Variants in CATSPERG observed in about 807,000 individuals in gnomAD.
CATSPERG encodes cation channel sperm-associated auxiliary subunit gamma.
Under a neutral mutation model 145.0 loss-of-function variants are expected in CATSPERG, and 115 were observed. That is an observed-to-expected ratio of 0.79 (90% CI 0.68 to 0.93). The LOEUF (loss-of-function observed/expected upper bound fraction) is 0.93, where lower values mean the gene tolerates loss of function less well. CATSPERG is among the 40% of genes least tolerant of loss of function. The pLI, the probability that CATSPERG is intolerant of heterozygous loss-of-function variation, is 0.00. For missense variants in CATSPERG, 1,296 were observed against 1,490.1 expected (o/e 0.87, Z 2.14); for synonymous variants, 588 against 589.0 (o/e 1.00, Z 0.02).
Position 38,352,305 on chromosome 19 carries a change from T to C in CATSPERG, c.870T>C (p.His290=). The part of the protein sequence containing the change: ...SCWVGSFYCP[H]SGFTATIYDT... ...GGGTGGGCTCCTTCTACTGCCCCCA[T>C]TCTGGCTTCACAGCCACCATCTATG... Residue 290 remains histidine (H), a synonymous_variant, in exon 8 of 29, where the codon CAT becomes CAC. Coordinates refer to ENST00000409235, the MANE Select transcript of CATSPERG (RefSeq NM_021185.5). The C allele has an allele frequency of 6.4e-7, 1 of 1,551,692 alleles. No individual in the cohort carries two copies. The highest frequency in any genetic ancestry group is 8.7e-7 in the Non-Finnish European group (1 of 1,147,098).
chr19:38,370,286 C>G, intron 28 of CATSPERG, 28 bp downstream of exon 28: 1 of 1,603,506 alleles, frequency 6.2e-7, no homozygotes, highest in Non-Finnish European at 8.5e-7. Flanking sequence ...AGCTGCCCTA[C>G]TGGGTGGGCA....
intron 6 of CATSPERG, among the ~76,000 whole-genome samples, chr19:38,344,661 CCATACCTGTA>C (rs567317117): frequency 2.0e-3 from 295 of 150,256 alleles, no homozygotes; most frequent in South Asian, 9.1e-3. Flanking sequence ...ACCTGTACAT[CCATACCTGTA>C]CATACATATA....
Position 38,361,761 on chromosome 19 carries a change from C to G in CATSPERG, c.1994C>G (p.Pro665Arg), listed in dbSNP as rs1329102429. The G allele has an allele frequency of 1.2e-6, 2 of 1,613,058 alleles. No homozygotes were observed. The highest frequency in any genetic ancestry group is 2.7e-5 in the African/African-American group (2 of 75,022). Residue 665 changes from proline to arginine, a missense_variant, in exon 17 of 29, where the codon CCG (proline) becomes CGG (arginine). Pro to Arg is a moderately radical substitution (Grantham distance 103). Transcript: ENST00000409235. Reference protein sequence around the residue: ...TRQERYRARPPRVLERSGFHN... With the variant: ...TRQERYRARPRRVLERSGFHN... ...CAGGAGCGCTACCGGGCGCGGCCGC[C>G]GCGCGTCCTGGAGCGCTCGGGCTTC...
In CATSPERG at chr19:38,359,589, G is replaced by T; in HGVS notation, c.1608+8G>T. The T allele has an allele frequency of 1.2e-6, 2 of 1,608,154 alleles. No homozygotes were observed. Among genetic ancestry groups the T allele is most frequent in the South Asian group, 2.2e-5 (2 of 90,582 alleles). ...GTCACAGAGACGGAGGAGGTGGGCT[G>T]CCCCGCCCCTCTCCCCGTTCCCTCT... On this transcript the variant is annotated splice_region_variant and intron_variant, in intron 14 of 28. Transcript: ENST00000409235.
chr19:38,359,777 C>T (rs552851212), intron 14 of CATSPERG, 196 bp downstream of exon 14: 122 of 1,335,622 alleles, frequency 9.1e-5, no homozygotes, highest in South Asian at 4.9e-4. Flanking sequence ...TCACGCAGAC[C>T]GGAGCTATGA....
chr19:38,357,637 C>T (rs759816728), intron 11 of CATSPERG, among the ~76,000 whole-genome samples: 6 of 151,846 alleles, frequency 4.0e-5, no homozygotes, highest in Non-Finnish European at 7.4e-5. Flanking sequence ...GGCAATATAG[C>T]GAAACCTCAT....
chr19:38,360,668 G>T (rs1170556522), intron 15 of CATSPERG, 21 bp downstream of exon 15: 4 of 1,614,048 alleles, frequency 2.5e-6, no homozygotes, highest in Non-Finnish European at 3.4e-6. Context: ...GAGCTATGCG[G>T]GGACATCGGG....
At chr19:38,356,656 G>A (rs1475521400) in intron 10 of CATSPERG, 86 bp from the exon 11 acceptor site, 1 of 1,593,000 alleles carries the variant, frequency 6.3e-7, no homozygotes, top group Non-Finnish European at 8.6e-7. Context: ...CTTAGGGAGG[G>A]GTGAGTTATG....
Position 38,356,490 on chromosome 19 carries a change from A to C in CATSPERG, c.1142A>C (p.Gln381Pro), listed in dbSNP as rs746970093. The change falls in exon 10 of 29, where the codon CAG becomes CCG. Residue 381 changes from glutamine to proline, a missense_variant. Gln to Pro is a moderately conservative substitution (Grantham distance 76, BLOSUM62 -1). Transcript: ENST00000409235. ...YVHFGTIRDG[Q>P]VSFEMLPRQW... is the part of the protein sequence containing the mutation. ...ACCCGACCTTGCTCTGCAGATGGCCAGGTGTCCTTTGAGATGCTGCCCAGG... is the reference window on the plus strand; with the variant it reads ...ACCCGACCTTGCTCTGCAGATGGCCCGGTGTCCTTTGAGATGCTGCCCAGG... 1.9e-6 allele frequency: 3 copies of C among 1,614,000 alleles called. No homozygotes were observed. The East Asian group carries it at 6.7e-5, about 36-fold the overall frequency.
intron 6 of CATSPERG, among the ~76,000 whole-genome samples, chr19:38,344,882 C>T (rs375583869): frequency 0.017 from 918 of 53,254 alleles, 39 homozygotes; most frequent in East Asian, 0.12. Context: ...CACACACACA[C>T]ATATATATAT....
At chr19:38,365,248 CCACCCACCCA>C (rs1193376819) in intron 22 of CATSPERG, 131 bp downstream of exon 22, 8 of 753,924 alleles carry the variant, frequency 1.1e-5, no homozygotes, top group Non-Finnish European at 1.3e-5. Context: ...CAACATTCAT[CCACCCACCCA>C]CTACCACCCA....
chr19:38,337,509 G>C lies in CATSPERG; in HGVS notation c.270+5G>C. 6.4e-7 allele frequency: 1 copy of C among 1,552,044 alleles called. No individual in the cohort carries two copies. The highest frequency in any genetic ancestry group is 8.7e-7 in the Non-Finnish European group (1 of 1,147,068). Reference sequence around the variant, plus strand: ...TCACCCATCGACCCGAGCGAGGTGAGGGGACCAGGGTCAAGTGAACCAGAG... The same window carrying C: ...TCACCCATCGACCCGAGCGAGGTGACGGGACCAGGGTCAAGTGAACCAGAG... On this transcript the variant is annotated splice_donor_5th_base_variant and intron_variant, in intron 2 of 28. Coordinates refer to ENST00000409235, the MANE Select transcript of CATSPERG (RefSeq NM_021185.5).
chr19:38,362,399 C>T lies in CATSPERG; in HGVS notation c.2181C>T (p.Ser727=), dbSNP rs139135794. The T allele has an allele frequency of 4.3e-6, 7 of 1,614,044 alleles. No homozygotes were observed. The African/African-American group carries it at 8.0e-5, about 18-fold the overall frequency. ...QDQDYYFFLA[S]NWRSAGGVSI... Reference sequence around the variant, plus strand: ...AGGATTACTACTTCTTCTTGGCGAGCAATTGGCGAAGCGCGGGCGGCGTGT... The same window carrying T: ...AGGATTACTACTTCTTCTTGGCGAGTAATTGGCGAAGCGCGGGCGGCGTGT... Residue 727 remains serine, a synonymous_variant, in exon 19 of 29, where the codon AGC becomes AGT. Transcript: ENST00000409235.
chr19:38,350,863 C>T (rs527613408), intron 7 of CATSPERG, among the ~76,000 whole-genome samples: 1 of 152,164 alleles, frequency 6.6e-6, no homozygotes, highest in Non-Finnish European at 1.5e-5. Flanking sequence ...GTGGTGGGCA[C>T]CTGTAATCCG....
chr19:38,368,587 A>G (rs1053137199), intron 26 of CATSPERG, among the ~76,000 whole-genome samples: 2 of 152,224 alleles, frequency 1.3e-5, no homozygotes, highest in African/African-American at 2.4e-5. Context: ...TTTGTTGCCC[A>G]GGCTGGAATG....
chr19:38,351,904 C>T (rs1292174180), intron 7 of CATSPERG, among the ~76,000 whole-genome samples: 2 of 152,238 alleles, frequency 1.3e-5, no homozygotes, highest in African/African-American at 4.8e-5. Context: ...CAGATCCAGC[C>T]TTTAAAAAAA....
chr19:38,365,100 C>G lies in CATSPERG; in HGVS notation c.2596C>G (p.Leu866Val). The G allele has an allele frequency of 2.5e-6, 4 of 1,613,750 alleles. No homozygotes were observed. Among genetic ancestry groups the G allele is most frequent in the Non-Finnish European group, 3.4e-6 (4 of 1,180,028 alleles). The change falls in exon 22 of 29, where the codon CTG becomes GTG. Residue 866 changes from leucine to valine, a missense_variant. Transcript: ENST00000409235. ...CGGGCTCTGCTTCCAGGAAACACAC[C>G]TGGGGCCCCATATGCAAGTATTGGA... is the stretch of plus-strand genomic sequence containing the variant. Reference protein sequence around the residue: ...SSGLCFQETHLGPHMQGNLMV... With the variant: ...SSGLCFQETHVGPHMQGNLMV...
chr19:38,364,124 C>T (rs4432370), intron 20 of CATSPERG, among the ~76,000 whole-genome samples: 8,251 of 151,458 alleles, frequency 0.054, 431 homozygotes, highest in East Asian at 0.27. Context: ...CCGGACGGGG[C>T]GGCTGGCCTG....
chr19:38,337,521 C>T lies in CATSPERG; in HGVS notation c.270+17C>T. 1 of 1,551,986 alleles carries T rather than the reference C, an allele frequency of 6.4e-7. No homozygotes were observed. Among genetic ancestry groups the T allele is most frequent in the Non-Finnish European group, 8.7e-7 (1 of 1,147,046 alleles). ...CCGAGCGAGGTGAGGGGACCAGGGT[C>T]AAGTGAACCAGAGGGATTTTGAACC... On this transcript the variant is annotated intron_variant, in intron 2 of 28. Coordinates refer to ENST00000409235, the MANE Select transcript of CATSPERG (RefSeq NM_021185.5).
Sources: allele counts gnomAD v4.1 joint callset (sites outside exome capture counted in the v4.1 genomes callset), GRCh38; gene constraint gnomAD v4.1.1; transcripts MANE v1.5; gene names NCBI Gene and HGNC (gene_info 2026-07-23, HGNC 2026-07-21).